SSH2: variants seen among roughly 807,000 people sequenced by gnomAD.
The protein encoded by SSH2 is slingshot protein phosphatase 2.
Under a neutral mutation model 135.2 loss-of-function variants are expected in SSH2, and 37 were observed. The observed-to-expected ratio is 0.27, with a 90% CI of 0.21 to 0.36. SSH2 has a LOEUF of 0.36. Among genes scored for constraint, SSH2 ranks in the 10% least tolerant of loss-of-function variants. The pLI, the probability that SSH2 is intolerant of heterozygous loss-of-function variation, is 1.00. For synonymous variants in SSH2, 628 were observed against 646.2 expected, an observed-to-expected ratio of 0.97 and a Z score of 0.43; for missense variants, 1,408 against 1,765.3, an observed-to-expected ratio of 0.80 and a Z score of 3.63.
chr17:29,693,771 T>C (rs1041993655), intron 5 of SSH2, among the ~76,000 whole-genome samples: 1 of 152,210 alleles, frequency 6.6e-6, no homozygotes, highest in African/African-American at 2.4e-5. Context: ...TATATTCTAA[T>C]CAAAGGACTC....
At position 29,679,652 on chromosome 17, in the gene SSH2, C is replaced by T. The variant is rs182694675; in HGVS notation, c.480-1911G>A. Among the ~76,000 whole-genome samples, 120 of 152,240 alleles carry T rather than the reference C, an allele frequency of 7.9e-4. 1 individual carries two copies. The highest frequency in any genetic ancestry group is 6.8e-3 in the Middle Eastern group (2 of 294). On this transcript the variant is annotated intron_variant, in intron 6 of 15. Coordinates refer to ENST00000540801, the MANE Select transcript of SSH2 (RefSeq NM_001282129.2). ...AACTCCCAACCTCAGGTGATCCACC[C>T]GCCTTGGCCTCCCAAAGTGCTGGGA...
chr17:29,690,681 C>G (rs2038430600), intron 5 of SSH2, among the ~76,000 whole-genome samples: 2 of 152,046 alleles, frequency 1.3e-5, no homozygotes, highest in East Asian at 1.9e-4. Context: ...CTAAAGAACA[C>G]TGTCTTCAAA....
intron 1 of SSH2, among the ~76,000 whole-genome samples, chr17:29,894,674 T>C (rs2066410659): frequency 6.6e-6 from 1 of 151,992 alleles, no homozygotes; most frequent in Admixed American, 6.6e-5. Context: ...GGACTAACTA[T>C]TTACCTCCAA....
At chr17:29,807,777 C>CTAAT (rs1194289760) in intron 2 of SSH2, among the ~76,000 whole-genome samples, 1 of 150,254 alleles carries the variant, frequency 6.7e-6, no homozygotes. Context: ...TATGAGGTAG[C>CTAAT]CAGGGAAGGT....
intron 2 of SSH2, among the ~76,000 whole-genome samples, chr17:29,830,108 G>A (rs577088327): frequency 5.4e-4 from 82 of 152,164 alleles, no homozygotes; most frequent in Middle Eastern, 3.4e-3. Flanking sequence ...CAAAGTGCTG[G>A]GATTAGAGGT....
intron 1 of SSH2, 100 bp downstream of exon 1, chr17:29,929,838 G>A: frequency 8.6e-7 from 1 of 1,158,004 alleles, no homozygotes; most frequent in Non-Finnish European, 1.2e-6. Context: ...GGCCTGGGAA[G>A]CGGCGCGGCG....
Position 29,625,994 on chromosome 17 carries a change from A to AT in SSH2, c.*4846dup, listed in dbSNP as rs1396225374. On this transcript the variant is annotated 3_prime_UTR_variant, in exon 16 of 16. Coordinates refer to ENST00000540801, the MANE Select transcript of SSH2 (RefSeq NM_001282129.2). ...TGTAACAAGAACATTGAATCTGCAC[A>AT]TTTGCGCACAAGTTCACATTTAAAA... is the stretch of plus-strand genomic sequence containing the variant. The AT allele has an allele frequency of 1.3e-5, 2 of 152,616 alleles. No individual in the cohort carries two copies. Among genetic ancestry groups the AT allele is most frequent in the Non-Finnish European group, 2.9e-5 (2 of 68,042 alleles). The allele number at this position is 152,616 out of a possible 1,614,324, so 9.5% of individuals were successfully genotyped here.
intron 2 of SSH2, among the ~76,000 whole-genome samples, chr17:29,810,424 T>C (rs574238825): frequency 2.4e-4 from 36 of 152,354 alleles, no homozygotes; most frequent in South Asian, 2.1e-4. Flanking sequence ...GATAGTCATA[T>C]CTAGCAATCT....
intron 3 of SSH2, among the ~76,000 whole-genome samples, chr17:29,755,459 C>T (rs2041084033): frequency 6.6e-6 from 1 of 151,884 alleles, no homozygotes. Context: ...ATAATGATAA[C>T]ATAATTACCA....
At chr17:29,893,909 T>TC (rs2066396238) in intron 1 of SSH2, among the ~76,000 whole-genome samples, 1 of 152,152 alleles carries the variant, frequency 6.6e-6, no homozygotes, top group Non-Finnish European at 1.5e-5. Context: ...TTAACATTGC[T>TC]CTTGATGTTC....
chr17:29,865,646 G>A (rs1461261038), intron 1 of SSH2, among the ~76,000 whole-genome samples: 1 of 152,074 alleles, frequency 6.6e-6, no homozygotes, highest in African/African-American at 2.4e-5. Flanking sequence ...ACCCAAATGG[G>A]GTTTGGTTTC....
chr17:29,916,950 C>G lies in SSH2; in HGVS notation c.63+12988G>C, dbSNP rs75217358. 8.9e-3 allele frequency among the ~76,000 whole-genome samples: 1,352 copies of G among 151,394 alleles called. 23 individuals carry two copies. Among genetic ancestry groups the G allele is most frequent in the African/African-American group, 0.029 (1,183 of 41,222 alleles). On this transcript the variant is annotated intron_variant, in intron 1 of 15. Coordinates refer to ENST00000540801, the MANE Select transcript of SSH2 (RefSeq NM_001282129.2). ...GAGAATCACTGCTCCAATCAGCAAGCTGCATGGAGGTGTCTTCTTTAACTT... is the reference window on the plus strand; with the variant it reads ...GAGAATCACTGCTCCAATCAGCAAGGTGCATGGAGGTGTCTTCTTTAACTT...
intron 1 of SSH2, among the ~76,000 whole-genome samples, chr17:29,911,712 TAAACTC>T (rs1460508262): frequency 2.0e-5 from 3 of 152,220 alleles, no homozygotes; most frequent in Non-Finnish European, 4.4e-5. Context: ...TACCAGGACT[TAAACTC>T]AAGCTTTCTA....
intron 1 of SSH2, among the ~76,000 whole-genome samples, chr17:29,879,298 A>T (rs888378083): frequency 2.0e-5 from 3 of 152,058 alleles, no homozygotes; most frequent in African/African-American, 7.2e-5. Context: ...TGAGAGGTAG[A>T]ATCAGTATTC....
chr17:29,840,835 CTAT>C (rs1378544266), intron 2 of SSH2, among the ~76,000 whole-genome samples: 1 of 152,190 alleles, frequency 6.6e-6, no homozygotes, highest in Non-Finnish European at 1.5e-5. Flanking sequence ...GGGATAGGTA[CTAT>C]TATTATTCCC....
chr17:29,774,468 C>A (rs1386805140), intron 3 of SSH2, among the ~76,000 whole-genome samples: 1 of 151,738 alleles, frequency 6.6e-6, no homozygotes, highest in East Asian at 1.9e-4. Flanking sequence ...TTTCACCATG[C>A]TGGTCAGGCT....
In SSH2 at chr17:29,754,252, G is replaced by T. The variant is rs555731093; in HGVS notation, c.188+39642C>A. ...AGAATCAGAAACTCTGGGGACTGTG[G>T]GTAGCAATTTGTGTTTTACCAAGCC... On this transcript the variant is annotated intron_variant, in intron 3 of 15. Coordinates refer to ENST00000540801, the MANE Select transcript of SSH2 (RefSeq NM_001282129.2). Among the ~76,000 whole-genome samples the T allele has an allele frequency of 8.5e-5, 13 of 152,222 alleles. No homozygotes were observed. In the South Asian group the frequency reaches 1.2e-3, roughly 15 times the overall value.
At chr17:29,870,362 T>C (rs1398734239) in intron 1 of SSH2, among the ~76,000 whole-genome samples, 1 of 151,922 alleles carries the variant, frequency 6.6e-6, no homozygotes, top group Non-Finnish European at 1.5e-5. Flanking sequence ...TGTGTATGCT[T>C]GCATGTCTAT....
At chr17:29,898,873 A>C (rs2066493799) in intron 1 of SSH2, among the ~76,000 whole-genome samples, 1 of 152,346 alleles carries the variant, frequency 6.6e-6, no homozygotes, top group South Asian at 2.1e-4. Context: ...TGATGCAAAA[A>C]TCCTGAATAA....
Sources: gnomAD v4.1 joint callset for allele counts (sites outside exome capture counted in the v4.1 genomes callset) on GRCh38, gnomAD v4.1.1 for gene constraint, MANE v1.5 for transcripts, NCBI Gene and HGNC (gene_info 2026-07-23, HGNC 2026-07-21) for gene names.